The following FMN2 variants were observed in gnomAD, a reference collection of about 807,000 sequenced individuals.
FMN2 encodes formin-2.
In FMN2, 51 loss-of-function variants were observed where a neutral mutation model predicts 142.3. The ratio of observed to expected loss-of-function variants is 0.36; its 90% CI spans 0.29 to 0.45. The LOEUF is 0.45. FMN2 is among the 20% of genes least tolerant of loss of function. FMN2 has a pLI of 1.00. For synonymous variants in FMN2, 882 were observed against 869.8 expected (o/e 1.01, Z -0.25); for missense variants, 1,936 against 2,122.8 (o/e 0.91, Z 1.73).
chr1:240,327,672 TAAAG>T (rs1671216274), intron 8 of FMN2, among the ~76,000 whole-genome samples: 2 of 152,204 alleles, frequency 1.3e-5, no homozygotes, highest in East Asian at 3.9e-4. Flanking sequence ...CTCTATAAAA[TAAAG>T]ACAGATTTGT....
chr1:240,341,589 G>C (rs1316058384), intron 13 of FMN2: 2 of 152,182 alleles, frequency 1.3e-5, no homozygotes, highest in African/African-American at 4.8e-5. Context: ...AGCTATGACT[G>C]TGTTTGTGTT....
intron 4 of FMN2, among the ~76,000 whole-genome samples, chr1:240,199,631 A>G (rs1447767162): frequency 6.6e-6 from 1 of 152,210 alleles, no homozygotes; most frequent in African/African-American, 2.4e-5. Flanking sequence ...ATAAGATTAT[A>G]CAGGAATGGA....
At chr1:240,221,255 A>G (rs1221898884) in intron 6 of FMN2, among the ~76,000 whole-genome samples, 1 of 152,138 alleles carries the variant, frequency 6.6e-6, no homozygotes, top group African/African-American at 2.4e-5. Flanking sequence ...GCTGGGTCAA[A>G]TGGTATTTCT....
At chr1:240,115,960 C>G (rs548701652) in intron 1 of FMN2, among the ~76,000 whole-genome samples, 6 of 152,262 alleles carry the variant, frequency 3.9e-5, no homozygotes, top group South Asian at 2.1e-4. Flanking sequence ...GGCCCCTCCC[C>G]CTTAAAGAAC....
intron 8 of FMN2, among the ~76,000 whole-genome samples, chr1:240,297,889 G>A (rs1052874481): frequency 6.6e-6 from 1 of 152,122 alleles, no homozygotes; most frequent in Admixed American, 6.5e-5. Flanking sequence ...CCTCTTCCAG[G>A]TTCACAGACT....
At chr1:240,135,138 C>T (rs1662886733) in intron 2 of FMN2, among the ~76,000 whole-genome samples, 7 of 152,144 alleles carry the variant, frequency 4.6e-5, no homozygotes, top group Admixed American at 4.6e-4. Flanking sequence ...TTTTGCTTTC[C>T]CTAGCACCTC....
At chr1:240,359,194 T>G (rs543997705) in intron 14 of FMN2, among the ~76,000 whole-genome samples, 193 of 152,322 alleles carry the variant, frequency 1.3e-3, no homozygotes, top group South Asian at 6.0e-3. Flanking sequence ...TCTTCTAGTT[T>G]ATCAGGACAT....
rs538762840 is a variant in FMN2 at position 240,093,714 on chromosome 1, C to T, written c.1605C>T (p.Asn535=). Residue 535 remains asparagine, a synonymous_variant, in exon 1 of 18, where the codon AAC becomes AAT. Coordinates refer to ENST00000319653, the MANE Select transcript of FMN2 (RefSeq NM_020066.5). ...CCGCGGCTGCGGATGGCTTCCAGAA[C>T]GTGTTCACAGGTGAGCGCGCCCTGC... The part of the protein sequence containing the change: ...GAPAAADGFQ[N]VFTGRTLLEK... The T allele has an allele frequency of 2.9e-6, 4 of 1,368,610 alleles. No individual in the cohort carries two copies. The highest frequency in any genetic ancestry group is 4.0e-5 in the South Asian group (2 of 50,562). The allele number at this position is 1,368,610 out of a possible 1,614,324, so 84.8% of individuals were successfully genotyped here.
At chr1:240,144,858 G>T in intron 2 of FMN2, 1 of 1,433,816 alleles carries the variant, frequency 7.0e-7, no homozygotes, top group Non-Finnish European at 9.8e-7. Context: ...GCATCATCCA[G>T]CTCCTGCCAC....
chr1:240,321,211 T>A (rs1670960723), intron 8 of FMN2, among the ~76,000 whole-genome samples: 1 of 152,166 alleles, frequency 6.6e-6, no homozygotes, highest in Non-Finnish European at 1.5e-5. Flanking sequence ...AAACCGTGGT[T>A]ATTCATACCT....
intron 1 of FMN2, among the ~76,000 whole-genome samples, chr1:240,103,227 T>C (rs1661475961): frequency 6.6e-6 from 1 of 152,238 alleles, no homozygotes; most frequent in African/African-American, 2.4e-5. Flanking sequence ...AATTCACAGA[T>C]CATTTTCATA....
intron 15 of FMN2, among the ~76,000 whole-genome samples, chr1:240,417,453 A>G (rs1210413065): frequency 6.6e-6 from 1 of 151,704 alleles, no homozygotes; most frequent in African/African-American, 2.4e-5. Flanking sequence ...TTTTGTTTTT[A>G]TAGGGCCTGG....
At chr1:240,175,120 G>C (rs925073576) in intron 2 of FMN2, among the ~76,000 whole-genome samples, 1 of 152,158 alleles carries the variant, frequency 6.6e-6, no homozygotes, top group African/African-American at 2.4e-5. Context: ...TTAGCCAAAT[G>C]TCCTCCAGGT....
intron 14 of FMN2, among the ~76,000 whole-genome samples, chr1:240,373,823 G>C (rs1672950974): frequency 6.6e-6 from 1 of 152,160 alleles, no homozygotes; most frequent in Non-Finnish European, 1.5e-5. Flanking sequence ...CATGAGTCAA[G>C]AATGTTCTTA....
rs150549709 is a variant in FMN2 at position 240,362,560 on chromosome 1, G to A, written c.4858+6652G>A. 3.2e-3 allele frequency among the ~76,000 whole-genome samples: 484 copies of A among 152,138 alleles called. 3 individuals carry two copies. Among genetic ancestry groups the A allele is most frequent in the African/African-American group, 0.011 (450 of 41,516 alleles). ...GAATCTAATTTGTAGTTTGGACAAA[G>A]TATACACACAAAAAACATATTATCG... On this transcript the variant is annotated intron_variant, in intron 14 of 17. Transcript: ENST00000319653.
At chr1:240,462,397 A>G (rs1309406278) in intron 16 of FMN2, among the ~76,000 whole-genome samples, 1 of 152,170 alleles carries the variant, frequency 6.6e-6, no homozygotes, top group Non-Finnish European at 1.5e-5. Context: ...CTAAATTGTT[A>G]TTTACAGATG....
intron 2 of FMN2, among the ~76,000 whole-genome samples, chr1:240,126,126 A>G (rs1175089621): frequency 1.3e-5 from 2 of 152,174 alleles, no homozygotes; most frequent in Non-Finnish European, 2.9e-5. Flanking sequence ...GTTTCTTGAA[A>G]ACTGGAGAGG....
chr1:240,242,605 C>T (rs1667948597), intron 6 of FMN2, among the ~76,000 whole-genome samples: 1 of 152,158 alleles, frequency 6.6e-6, no homozygotes, highest in Non-Finnish European at 1.5e-5. Flanking sequence ...AAACTGAAGT[C>T]TAAAATATAC....
intron 2 of FMN2, among the ~76,000 whole-genome samples, chr1:240,125,034 C>G (rs908961277): frequency 3.3e-5 from 5 of 152,118 alleles, no homozygotes; most frequent in Non-Finnish European, 7.3e-5. Context: ...TATCAGCCTT[C>G]TTCAATATAT....
Sources: allele counts gnomAD v4.1 joint callset (sites outside exome capture counted in the v4.1 genomes callset), GRCh38; gene constraint gnomAD v4.1.1; transcripts MANE v1.5; gene names NCBI Gene and HGNC (gene_info 2026-07-23, HGNC 2026-07-21).